PHF3: variants seen among roughly 807,000 people sequenced by gnomAD.
PHF3 encodes the protein PHD finger protein 3.
A neutral mutation model predicts 178.4 loss-of-function variants in PHF3; 41 were observed. That is an observed-to-expected ratio of 0.23 (90% CI 0.18 to 0.30). PHF3 has a LOEUF of 0.30. PHF3 is among the 10% of genes least tolerant of loss of function. The probability of loss-of-function intolerance (pLI) is 1.00; values close to 1 mark genes in which losing one functional copy is unlikely to be tolerated. For missense variants in PHF3, 2,346 were observed against 2,398.1 expected, an observed-to-expected ratio of 0.98 and a Z score of 0.45; for synonymous variants, 842 against 800.5, an observed-to-expected ratio of 1.05 and a Z score of -0.88.
intron 2 of PHF3, among the ~76,000 whole-genome samples, chr6:63,666,582 T>C (rs956787889): frequency 6.6e-6 from 1 of 152,098 alleles, no homozygotes; most frequent in Non-Finnish European, 1.5e-5. Context: ...TATAAAATGG[T>C]GTATATTTGC....
chr6:63,647,770 G>T (rs559467916), intron 2 of PHF3, among the ~76,000 whole-genome samples: 4 of 152,184 alleles, frequency 2.6e-5, no homozygotes, highest in African/African-American at 9.6e-5. Flanking sequence ...TACTGTAAAC[G>T]TTGTGGCAAT....
chr6:63,712,738 A>C lies in PHF3; in HGVS notation c.5150A>C (p.Lys1717Thr). 1.2e-6 allele frequency: 2 copies of C among 1,613,968 alleles called. No homozygotes were observed. Among genetic ancestry groups the C allele is most frequent in the South Asian group, 2.2e-5 (2 of 91,082 alleles). Reference sequence around the variant, plus strand: ...TGTGTTCAGCAGAGTGACAATTTAAAAGTTGCACAAAACTCACCATCAGTA... The same window carrying C: ...TGTGTTCAGCAGAGTGACAATTTAACAGTTGCACAAAACTCACCATCAGTA... ...NSCVQQSDNLKVAQNSPSVEN... is the reference protein window; with the variant it reads ...NSCVQQSDNLTVAQNSPSVEN... The change falls in exon 16 of 16, where the codon AAA becomes ACA. Residue 1717 changes from lysine (K) to threonine (T), a missense_variant. This residue lies in a region of PHF3 where 839 missense variants were observed against 806.9 expected (regional missense o/e 1.04). Transcript: ENST00000262043.
intron 2 of PHF3, among the ~76,000 whole-genome samples, chr6:63,675,670 A>G (rs1052895330): frequency 7.9e-5 from 12 of 152,208 alleles, no homozygotes; most frequent in Admixed American, 1.3e-4. Context: ...AAACATCTCA[A>G]ATGCAGTCTT....
intron 13 of PHF3, 31 bp downstream of exon 13, chr6:63,706,907 T>A (rs1767718025): frequency 6.3e-7 from 1 of 1,598,242 alleles, no homozygotes; most frequent in Non-Finnish European, 8.6e-7. Context: ...TTTCTGTGCA[T>A]GAATTGATAA....
At chr6:63,638,921 T>G (rs1764461533) in intron 1 of PHF3, among the ~76,000 whole-genome samples, 1 of 152,172 alleles carries the variant, frequency 6.6e-6, no homozygotes, top group Non-Finnish European at 1.5e-5. Context: ...TTGAGAGTAT[T>G]GATGTGATTA....
chr6:63,699,988 A>G (rs886858336), intron 8 of PHF3, among the ~76,000 whole-genome samples: 25 of 152,306 alleles, frequency 1.6e-4, no homozygotes, highest in African/African-American at 6.0e-4. Flanking sequence ...TCTTAAAACT[A>G]TGAAGACCAT....
intron 1 of PHF3, among the ~76,000 whole-genome samples, chr6:63,645,026 A>C (rs1407149673): frequency 2.0e-5 from 3 of 151,404 alleles, no homozygotes; most frequent in Non-Finnish European, 4.4e-5. Context: ...GTCTACAGGC[A>C]CACGTCACCA....
chr6:63,692,612 G>T (rs1019069709), intron 5 of PHF3, among the ~76,000 whole-genome samples: 6 of 152,128 alleles, frequency 3.9e-5, no homozygotes, highest in Non-Finnish European at 8.8e-5. Context: ...TGATAGAGAG[G>T]AGAAACAGTG....
chr6:63,665,493 T>TTG (rs1561950625), intron 2 of PHF3, among the ~76,000 whole-genome samples: 1 of 145,758 alleles, frequency 6.9e-6, no homozygotes, highest in African/African-American at 2.5e-5. Context: ...TTTGTTTTTT[T>TTG]TTTTTTTTTT....
chr6:63,648,697 CTGTTA>C (rs1446090876), intron 2 of PHF3, among the ~76,000 whole-genome samples: 1 of 152,056 alleles, frequency 6.6e-6, no homozygotes, highest in Non-Finnish European at 1.5e-5. Context: ...GTTTGTGATT[CTGTTA>C]TCTTTTAAAT....
At chr6:63,706,262 T>C in intron 12 of PHF3, 38 bp downstream of exon 12, 3 of 1,459,224 alleles carry the variant, frequency 2.1e-6, no homozygotes, top group Non-Finnish European at 1.9e-6. Flanking sequence ...ATACTCATTA[T>C]AGATCTTTGC....
rs1351649722 is a variant in PHF3 at position 63,723,428 on chromosome 6, T to G, written c.*9720T>G. On this transcript the variant is annotated 3_prime_UTR_variant, in exon 16 of 16. Transcript: ENST00000262043. The stretch of plus-strand genomic sequence containing the variant: ...AAGTGAACACAAACCAGTTATCTTT[T>G]GCAAGATTATGGAGGAAGCTTTTCT... Among the ~76,000 whole-genome samples, 3 of 152,202 alleles carry G rather than the reference T, an allele frequency of 2.0e-5. No individual in the cohort carries two copies. The highest frequency in any genetic ancestry group is 4.4e-5 in the Non-Finnish European group (3 of 68,026).
chr6:63,701,304 C>G lies in PHF3; in HGVS notation c.3099+838C>G, dbSNP rs528344785. On this transcript the variant is annotated intron_variant, in intron 9 of 15. Transcript: ENST00000262043. ...ATTTAATTACGTGTCTCAGACCTAA[C>G]TGGAATGTTATGTAATATAGAGTGT... is the stretch of plus-strand genomic sequence containing the variant. Among the ~76,000 whole-genome samples, 3 of 152,260 alleles carry G rather than the reference C, an allele frequency of 2.0e-5. No homozygotes were observed. In the South Asian group the frequency reaches 6.2e-4, roughly 32 times the overall value.
intron 2 of PHF3, among the ~76,000 whole-genome samples, chr6:63,655,027 G>A (rs903981387): frequency 1.3e-5 from 2 of 150,738 alleles, no homozygotes; most frequent in African/African-American, 4.9e-5. Context: ...CCTAGTTGTT[G>A]GGACTACAGG....
At chr6:63,709,360 CTATG>C (rs1334972041) in intron 14 of PHF3, 120 bp downstream of exon 14, 1 of 712,216 alleles carries the variant, frequency 1.4e-6, no homozygotes, top group Non-Finnish European at 2.5e-6. Flanking sequence ...CATTTTAAGT[CTATG>C]TAATATACCT....
intron 8 of PHF3, among the ~76,000 whole-genome samples, chr6:63,699,011 T>A (rs1006019034): frequency 6.6e-6 from 1 of 152,236 alleles, no homozygotes; most frequent in African/African-American, 2.4e-5. Context: ...AAATTGTTTT[T>A]ATCGAAATGT....
chr6:63,713,403 T>A lies in PHF3; in HGVS notation c.5815T>A (p.Trp1939Arg). ...HLKRERHEKE[W>R]EQESERHRRR... is the part of the protein sequence containing the mutation. ...GAAAAGAGAGCGACATGAAAAGGAA[T>A]GGGAGCAAGAATCTGAAAGGCATAG... is the stretch of plus-strand genomic sequence containing the variant. Residue 1939 changes from tryptophan to arginine, a missense_variant, in exon 16 of 16, where the codon TGG becomes AGG. Transcript: ENST00000262043. 6.2e-7 allele frequency: 1 copy of A among 1,613,516 alleles called. No individual in the cohort carries two copies. The highest frequency in any genetic ancestry group is 8.5e-7 in the Non-Finnish European group (1 of 1,179,892).
At chr6:63,687,221 C>A (rs1032999587) in intron 4 of PHF3, among the ~76,000 whole-genome samples, 1 of 152,090 alleles carries the variant, frequency 6.6e-6, no homozygotes, top group African/African-American at 2.4e-5. Flanking sequence ...GTCAGGAGTT[C>A]GAGACCAGCC....
Position 63,685,128 on chromosome 6 carries a change from A to G in PHF3, c.1406A>G (p.Asp469Gly), listed in dbSNP as rs768732274. ...IESHETANLQ[D>G]DRNSQSSSVS... ...TCCCATGAAACAGCAAACCTTCAGGATGACAGAAACAGCCAGTCAAGTAGC... is the reference window on the plus strand; with the variant it reads ...TCCCATGAAACAGCAAACCTTCAGGGTGACAGAAACAGCCAGTCAAGTAGC... Residue 469 changes from aspartate (D) to glycine (G), a missense_variant, in exon 4 of 16, where the codon GAT becomes GGT. Asp to Gly is a moderately conservative substitution (Grantham distance 94). Around this residue, in one of 8 missense-constraint regions of PHF3, gnomAD observed 843 missense variants for 795.2 expected, o/e 1.06. Coordinates refer to ENST00000262043, the MANE Select transcript of PHF3 (RefSeq NM_001370348.2). 3.1e-6 allele frequency: 5 copies of G among 1,613,960 alleles called. No homozygotes were observed. The highest frequency in any genetic ancestry group is 3.4e-6 in the Non-Finnish European group (4 of 1,180,028).
Sources: allele counts gnomAD v4.1 joint callset (sites outside exome capture counted in the v4.1 genomes callset), GRCh38; gene constraint gnomAD v4.1.1; regional missense constraint gnomAD v4.1.1; transcripts MANE v1.5; gene names NCBI Gene and HGNC (gene_info 2026-07-23, HGNC 2026-07-21).